Variants in SPAG9 observed in about 807,000 individuals in gnomAD.
SPAG9 encodes the protein C-Jun-amino-terminal kinase-interacting protein 4.
A neutral mutation model predicts 166.5 loss-of-function variants in SPAG9; 35 were observed. The observed-to-expected ratio is 0.21, with a 90% CI of 0.16 to 0.28. The LOEUF (loss-of-function observed/expected upper bound fraction) is 0.28. Ranked by LOEUF, SPAG9 falls within the 10% of genes least tolerant of loss-of-function variation. The pLI is 1.00. For synonymous variants in SPAG9, 534 were observed against 565.5 expected, an observed-to-expected ratio of 0.94 and a Z score of 0.79; for missense variants, 1,235 against 1,603.3, an observed-to-expected ratio of 0.77 and a Z score of 3.92.
chr17:51,031,634 T>C, intron 6 of SPAG9, 47 bp downstream of exon 6: 1 of 1,345,154 alleles, frequency 7.4e-7, no homozygotes, highest in African/African-American at 1.4e-5. Flanking sequence ...CAATAGTTAA[T>C]CACTTTAGTA....
rs1973262296 is a variant in SPAG9, at chr17:50,964,532, G to A, written c.*1740C>T. 1 of 184,070 alleles carries A rather than the reference G, an allele frequency of 5.4e-6. No individual in the cohort carries two copies. The highest frequency in any genetic ancestry group is 6.7e-5 in the Admixed American group (1 of 15,034). The allele number at this position is 184,070 out of a possible 1,614,324, so 11.4% of individuals were successfully genotyped here. A position where few individuals can be genotyped will look rare whatever the true frequency, so the allele number is the denominator to read the frequency against. On this transcript the variant is annotated 3_prime_UTR_variant, in exon 30 of 30. Transcript: ENST00000262013. ...GAACCTGAGAGGTGGAGGTTGCAGT[G>A]AGCTGAGATCGCACCACTGCATTCC...
intron 2 of SPAG9, among the ~76,000 whole-genome samples, chr17:51,066,391 G>A (rs1178297759): frequency 1.3e-5 from 2 of 151,876 alleles, no homozygotes; most frequent in Non-Finnish European, 2.9e-5. Flanking sequence ...GATTACAGGT[G>A]TGAGCCATTG....
intron 1 of SPAG9, among the ~76,000 whole-genome samples, chr17:51,095,845 GATATATATAGTGAT>G (rs2048604458): frequency 1.4e-5 from 2 of 143,084 alleles, no homozygotes; most frequent in East Asian, 2.0e-4. Context: ...GATATATAGT[GATATATATAGTGAT>G]ATATATATAG....
rs1975095644 is a variant in SPAG9, at chr17:50,987,033, T to C, written c.2939+79A>G. 2.9e-5 allele frequency: 40 copies of C among 1,367,900 alleles called. 1 individual carries two copies. The South Asian group carries it at 5.5e-4, about 19-fold the overall frequency. 84.7% of individuals were successfully genotyped at this position (1,367,900 alleles called of 1,614,324 possible). On this transcript the variant is annotated intron_variant, in intron 22 of 29. Coordinates refer to ENST00000262013, the MANE Select transcript of SPAG9 (RefSeq NM_001130528.3). The stretch of plus-strand genomic sequence containing the variant: ...TTAATCCACACTTTTTGTATTTGTT[T>C]ACCATATTTTACTTATCTTCTGATT...
chr17:51,062,909 GACAA>G (rs1329876979), intron 2 of SPAG9, among the ~76,000 whole-genome samples: 3 of 152,110 alleles, frequency 2.0e-5, no homozygotes, highest in Admixed American at 1.3e-4. Flanking sequence ...TCTTTTCCTG[GACAA>G]ACAGTTTATT....
chr17:51,045,558 C>T (rs891635747), intron 4 of SPAG9, among the ~76,000 whole-genome samples: 2 of 152,014 alleles, frequency 1.3e-5, no homozygotes, highest in Non-Finnish European at 2.9e-5. Context: ...TTTAATTCTT[C>T]TTAATTTATC....
At chr17:51,018,118 C>T (rs2045778584) in intron 8 of SPAG9, among the ~76,000 whole-genome samples, 1 of 151,836 alleles carries the variant, frequency 6.6e-6, no homozygotes, top group South Asian at 2.1e-4. Flanking sequence ...CTGAGGCAGG[C>T]GGATCACTGG....
chr17:51,076,188 G>A (rs998666018), intron 2 of SPAG9, among the ~76,000 whole-genome samples: 4 of 152,068 alleles, frequency 2.6e-5, no homozygotes, highest in African/African-American at 4.8e-5. Context: ...TTGGGAGGCC[G>A]AGGCGGGCGG....
At chr17:51,073,869 G>A (rs537035173) in intron 2 of SPAG9, among the ~76,000 whole-genome samples, 3 of 152,196 alleles carry the variant, frequency 2.0e-5, no homozygotes, top group Admixed American at 6.5e-5. Context: ...TTGGGAGGCC[G>A]AGGTGGGCGG....
intron 28 of SPAG9, among the ~76,000 whole-genome samples, chr17:50,973,791 G>A (rs1973999483): frequency 6.6e-6 from 1 of 152,210 alleles, no homozygotes; most frequent in Non-Finnish European, 1.5e-5. Context: ...CCAGAGGAAA[G>A]AGAAATGTTG....
chr17:51,119,966 C>T (rs896295399), intron 1 of SPAG9, among the ~76,000 whole-genome samples: 1 of 152,202 alleles, frequency 6.6e-6, no homozygotes, highest in African/African-American at 2.4e-5. Flanking sequence ...GCAGAAGTGT[C>T]CCCCTCCCCA....
intron 7 of SPAG9, 81 bp from the exon 8 acceptor site, chr17:51,020,339 G>A: frequency 1.1e-6 from 1 of 871,362 alleles, no homozygotes; most frequent in Non-Finnish European, 1.8e-6. Context: ...TTTTATGGGT[G>A]TAAAGGTATC....
chr17:51,051,499 C>T (rs979912636), intron 3 of SPAG9, among the ~76,000 whole-genome samples: 3 of 152,140 alleles, frequency 2.0e-5, no homozygotes, highest in African/African-American at 4.8e-5. Context: ...ACGGGCAGAT[C>T]ACTTGAGGCC....
At chr17:51,051,378 G>T (rs1281833260) in intron 3 of SPAG9, among the ~76,000 whole-genome samples, 2 of 152,200 alleles carry the variant, frequency 1.3e-5, no homozygotes, top group Admixed American at 6.5e-5. Context: ...AAAGTGCTGG[G>T]ATAACAGGCG....
chr17:51,007,152 T>C (rs1382563224), intron 10 of SPAG9, 117 bp downstream of exon 10: 15 of 539,642 alleles, frequency 2.8e-5, no homozygotes, highest in Admixed American at 1.6e-4. Flanking sequence ...CACTCAGAGT[T>C]GGGGAACGAG....
intron 2 of SPAG9, among the ~76,000 whole-genome samples, chr17:51,074,358 G>A (rs1488483529): frequency 6.6e-6 from 1 of 152,216 alleles, no homozygotes; most frequent in Non-Finnish European, 1.5e-5. Flanking sequence ...CCAGGAGGCA[G>A]AGTGAACCGA....
intron 15 of SPAG9, among the ~76,000 whole-genome samples, chr17:50,998,118 G>C (rs748223481): frequency 7.9e-6 from 1 of 126,696 alleles, no homozygotes; most frequent in African/African-American, 3.0e-5. Context: ...CTGCAACCCC[G>C]CCTCCTGGGT....
rs1160337431 is a variant in SPAG9 at position 51,005,234 on chromosome 17, T to G, written c.1454A>C (p.Gln485Pro). 2.5e-6 allele frequency: 4 copies of G among 1,614,022 alleles called. No homozygotes were observed. In the African/African-American group the frequency reaches 5.3e-5, roughly 22 times the overall value. Residue 485 changes from glutamine (Q) to proline (P), a missense_variant, in exon 12 of 30, where the codon CAA (glutamine) becomes CCA (proline). By Grantham distance (76) the Gln-to-Pro change is moderately conservative. This residue lies in a region of SPAG9 where 125 missense variants were observed against 194.0 expected (regional missense o/e 0.64). Coordinates refer to ENST00000262013, the MANE Select transcript of SPAG9 (RefSeq NM_001130528.3). The stretch of plus-strand genomic sequence containing the variant: ...TACATCATCGTCATCTTTTGCTTTT[T>G]GCCTTGCATCTTCAGCTTCTGCCCG... Reference protein sequence around the residue: ...KARAEAEDARQKAKDDDDSDI... With the variant: ...KARAEAEDARPKAKDDDDSDI...
In SPAG9 at chr17:50,975,026, A is replaced by G. The variant is rs559406675; in HGVS notation, c.3524-79T>C. 4,644 of 1,338,556 alleles carry G rather than the reference A, an allele frequency of 3.5e-3. 14 individuals are homozygous for G. The highest frequency in any genetic ancestry group is 4.4e-3 in the Non-Finnish European group (4,302 of 969,592). 82.9% of individuals were successfully genotyped at this position (1,338,556 alleles called of 1,614,324 possible). On this transcript the variant is annotated intron_variant, in intron 27 of 29. Coordinates refer to ENST00000262013, the MANE Select transcript of SPAG9 (RefSeq NM_001130528.3). ...TGTAAGAGGTTACTGGTTAATCCTT[A>G]TGATATTATCTAAAAGCTACAGCCA...
Sources: gnomAD v4.1 joint callset for allele counts (sites outside exome capture counted in the v4.1 genomes callset) on GRCh38, gnomAD v4.1.1 for gene constraint, gnomAD v4.1.1 regional missense constraint, MANE v1.5 for transcripts, NCBI Gene and HGNC (gene_info 2026-07-23, HGNC 2026-07-21) for gene names.